The following CC2D2B variants were observed in gnomAD, a reference collection of about 807,000 sequenced individuals.
CC2D2B encodes coiled-coil and C2 domain containing 2B, also known as protein CC2D2B.
In CC2D2B, 128 loss-of-function variants were observed where a neutral mutation model predicts 161.2. The ratio of observed to expected loss-of-function variants is 0.79; its 90% CI spans 0.69 to 0.92. The LOEUF is 0.92. Among genes scored for constraint, CC2D2B ranks in the 40% least tolerant of loss-of-function variants. The probability of loss-of-function intolerance (pLI) is 0.00; values close to 1 mark genes in which losing one functional copy is unlikely to be tolerated. For synonymous variants in CC2D2B, 391 were observed against 449.8 expected (o/e 0.87, Z 1.65); for missense variants, 1,173 against 1,375.1 (o/e 0.85, Z 2.32).
rs2076346939 is a variant in CC2D2B at position 95,950,020 on chromosome 10, A to G, written c.926A>G (p.Gln309Arg). The part of the protein sequence containing the change: ...FSHHHLFNQE[Q>R]VLCARLLQLY... ...CATCATCATCTCTTCAATCAAGAGC[A>G]AGTATTATGCGCAAGGCTTCTCCAA... is the stretch of plus-strand genomic sequence containing the variant. The change falls in exon 10 of 35, where the codon CAA becomes CGA. Residue 309 changes from glutamine (Q) to arginine (R), a missense_variant. Around this residue, in one of 3 missense-constraint regions of CC2D2B, gnomAD observed 298 missense variants for 261.2 expected, o/e 1.14. Coordinates refer to ENST00000646931, the MANE Select transcript of CC2D2B (RefSeq NM_001349008.3). 5.0e-6 allele frequency: 2 copies of G among 398,708 alleles called. No individual in the cohort carries two copies. The highest frequency in any genetic ancestry group is 8.9e-6 in the Non-Finnish European group (2 of 225,950). The allele number at this position is 398,708 out of a possible 1,614,324, so 24.7% of individuals were successfully genotyped here. A position where few individuals can be genotyped will look rare whatever the true frequency, so the allele number is the denominator to read the frequency against.
At chr10:96,004,119 T>G (rs1191858247) in intron 24 of CC2D2B, 33 bp from the exon 25 acceptor site, 1 of 1,237,408 alleles carries the variant, frequency 8.1e-7, no homozygotes, top group Non-Finnish European at 1.1e-6. Flanking sequence ...TTTGAGAAAA[T>G]TAAGCATTTG....
chr10:96,032,737 G>A lies in CC2D2B; in HGVS notation c.*729G>A, dbSNP rs1296298421. The A allele has an allele frequency of 2.1e-6, 1 of 466,956 alleles. No individual in the cohort carries two copies. The highest frequency in any genetic ancestry group is 2.0e-5 in the African/African-American group (1 of 49,946). 28.9% of individuals were successfully genotyped at this position (466,956 alleles called of 1,614,324 possible). A position where few individuals can be genotyped will look rare whatever the true frequency, so the allele number is the denominator to read the frequency against. On this transcript the variant is annotated 3_prime_UTR_variant, in exon 35 of 35. Coordinates refer to ENST00000646931, the MANE Select transcript of CC2D2B (RefSeq NM_001349008.3). ...TTTGCACTTTGGATGCTACTGACAT[G>A]AAATTCTTACAGCTCCATGTATTTG...
At chr10:95,939,010 C>G in intron 9 of CC2D2B, 85 bp downstream of exon 9, 1 of 574,682 alleles carries the variant, frequency 1.7e-6, no homozygotes, top group Non-Finnish European at 3.1e-6. Context: ...GTTGATTTAT[C>G]CTTTAAAGAT....
At chr10:95,934,854 G>A (rs1487447351) in intron 6 of CC2D2B, among the ~76,000 whole-genome samples, 2 of 143,370 alleles carry the variant, frequency 1.4e-5, no homozygotes, top group Non-Finnish European at 3.0e-5. Flanking sequence ...CAGCCACAGA[G>A]TTTTTTGTTT....
At chr10:95,927,935 C>T (rs1168615769) in intron 6 of CC2D2B, among the ~76,000 whole-genome samples, 1 of 152,108 alleles carries the variant, frequency 6.6e-6, no homozygotes, top group Non-Finnish European at 1.5e-5. Flanking sequence ...TTCCTCCTGA[C>T]TTGTCTCCCT....
intron 32 of CC2D2B, among the ~76,000 whole-genome samples, chr10:96,024,245 A>ATG (rs34536704): frequency 0.36 from 53,770 of 149,830 alleles, 9,434 homozygotes; most frequent in Middle Eastern, 0.45. Flanking sequence ...GTGTATGTGC[A>ATG]TGTGTGTGTG....
At chr10:95,969,141 AC>A (rs11306501) in intron 15 of CC2D2B, among the ~76,000 whole-genome samples, 40,496 of 152,044 alleles carry the variant, frequency 0.27, 6,381 homozygotes, top group Admixed American at 0.36. Flanking sequence ...AAATTTCTGC[AC>A]CCCTGGATGT....
chr10:95,944,872 C>A (rs1391725784), intron 9 of CC2D2B, among the ~76,000 whole-genome samples: 2 of 152,200 alleles, frequency 1.3e-5, no homozygotes, highest in African/African-American at 2.4e-5. Context: ...AAAATTCTTT[C>A]TTGCAGCTGC....
chr10:96,005,310 T>C lies in CC2D2B; in HGVS notation c.2946+1062T>C, dbSNP rs567057271. On this transcript the variant is annotated intron_variant, in intron 25 of 34. Transcript: ENST00000646931. Reference sequence around the variant, plus strand: ...GCTTTGCATTGTTATTAGAGTGAGTTTGTTGTTATTGGAATGAGATCCACA... The same window carrying C: ...GCTTTGCATTGTTATTAGAGTGAGTCTGTTGTTATTGGAATGAGATCCACA... 1.3e-4 allele frequency among the ~76,000 whole-genome samples: 20 copies of C among 152,276 alleles called. No homozygotes were observed. The East Asian group carries it at 3.1e-3, about 23-fold the overall frequency.
intron 32 of CC2D2B, among the ~76,000 whole-genome samples, chr10:96,024,588 G>A (rs1462928334): frequency 1.3e-5 from 2 of 152,202 alleles, no homozygotes; most frequent in African/African-American, 4.8e-5. Flanking sequence ...TGTGTCAAAT[G>A]CCTGTTTGAA....
intron 2 of CC2D2B, among the ~76,000 whole-genome samples, chr10:95,917,767 G>A (rs2098519286): frequency 6.6e-6 from 1 of 152,052 alleles, no homozygotes; most frequent in Non-Finnish European, 1.5e-5. Flanking sequence ...GTCTTAAAAA[G>A]TTATTGCAGT....
intron 26 of CC2D2B, among the ~76,000 whole-genome samples, chr10:96,011,727 C>T (rs186404362): frequency 2.8e-5 from 4 of 145,034 alleles, no homozygotes; most frequent in Non-Finnish European, 6.0e-5. Flanking sequence ...TTATTATTTA[C>T]CTCTTACACA....
Position 96,015,700 on chromosome 10 carries a change from A to C in CC2D2B, c.3517-501A>C, listed in dbSNP as rs531947726. ...CTCAGCTGTTCAGCTCTTTGAGTTG[A>C]AGACGTTTCAGTCACTTTTCCTGAT... On this transcript the variant is annotated intron_variant, in intron 29 of 34. Coordinates refer to ENST00000646931, the MANE Select transcript of CC2D2B (RefSeq NM_001349008.3). 8.3e-4 allele frequency among the ~76,000 whole-genome samples: 126 copies of C among 152,256 alleles called. 1 individual carries two copies. Among genetic ancestry groups the C allele is most frequent in the Non-Finnish European group, 1.3e-3 (91 of 68,016 alleles).
At chr10:95,970,160 A>C (rs756579628) in intron 15 of CC2D2B, among the ~76,000 whole-genome samples, 3 of 151,434 alleles carry the variant, frequency 2.0e-5, no homozygotes, top group Non-Finnish European at 4.4e-5. Flanking sequence ...TCAGCCTGCC[A>C]AGTAGCTGGG....
At chr10:96,010,245 G>T (rs1042848573) in intron 26 of CC2D2B, among the ~76,000 whole-genome samples, 3 of 152,178 alleles carry the variant, frequency 2.0e-5, no homozygotes, top group African/African-American at 7.2e-5. Context: ...ATGGGTACCA[G>T]GAGTTTCAGC....
At chr10:95,956,962 A>G (rs2076586627) in intron 11 of CC2D2B, among the ~76,000 whole-genome samples, 1 of 152,168 alleles carries the variant, frequency 6.6e-6, no homozygotes, top group Non-Finnish European at 1.5e-5. Context: ...GAACTCATGG[A>G]TATGAAAAGC....
At chr10:96,023,072 G>A (rs1453684051) in intron 32 of CC2D2B, among the ~76,000 whole-genome samples, 1 of 151,878 alleles carries the variant, frequency 6.6e-6, no homozygotes, top group African/African-American at 2.4e-5. Context: ...GGACAGTCCT[G>A]GTGAGAGTTT....
intron 17 of CC2D2B, among the ~76,000 whole-genome samples, chr10:95,979,496 TC>T (rs1564635336): frequency 6.6e-6 from 1 of 152,036 alleles, no homozygotes. Context: ...TAAGTAAAGT[TC>T]CCCCCAGATC....
intron 22 of CC2D2B, among the ~76,000 whole-genome samples, chr10:95,993,899 AATG>A (rs2078077580): frequency 7.2e-5 from 4 of 55,494 alleles, no homozygotes; most frequent in Admixed American, 3.8e-4. Flanking sequence ...AGAGAGAGAG[AATG>A]TGTGTGTGTG....
Sources: gnomAD v4.1 joint callset for allele counts (sites outside exome capture counted in the v4.1 genomes callset) on GRCh38, gnomAD v4.1.1 for gene constraint, gnomAD v4.1.1 regional missense constraint, MANE v1.5 for transcripts, NCBI Gene and HGNC (gene_info 2026-07-23, HGNC 2026-07-21) for gene names.